IL1RL1: variants seen among roughly 807,000 people sequenced by gnomAD.
IL1RL1 encodes interleukin-1 receptor-like 1.
A neutral mutation model predicts 50.9 loss-of-function variants in IL1RL1; 32 were observed. That is an observed-to-expected ratio of 0.63 (90% confidence interval 0.47 to 0.84). The LOEUF is 0.84. Ranked by LOEUF, IL1RL1 falls within the 40% of genes least tolerant of loss-of-function variation. The probability of loss-of-function intolerance (pLI) is 0.00; values close to 1 mark genes in which losing one functional copy is unlikely to be tolerated. For missense variants in IL1RL1, 773 were observed against 662.9 expected (o/e 1.17, Z -1.82); for synonymous variants, 275 against 236.0 (o/e 1.17, Z -1.51).
chr2:102,339,003 A>G lies in IL1RL1; in HGVS notation c.228A>G (p.Pro76=), dbSNP rs1316566020. Residue 76 remains proline (P), a synonymous_variant, in exon 3 of 11, where the codon CCA becomes CCG. Coordinates refer to ENST00000233954, the MANE Select transcript of IL1RL1 (RefSeq NM_016232.5). ...FASGQLLKFL[P]AAVADSGIYT... ...CAGGCCAACTTCTGAAGTTTCTACC[A>G]GCTGCAGTTGCTGATTCTGGTATTT... 1.9e-6 allele frequency: 3 copies of G among 1,613,956 alleles called. No individual in the cohort carries two copies. Among genetic ancestry groups the G allele is most frequent in the African/African-American group, 1.3e-5 (1 of 75,038 alleles).
chr2:102,341,378 A>C, intron 5 of IL1RL1: 1 of 1,141,314 alleles, frequency 8.8e-7, no homozygotes, highest in Non-Finnish European at 1.1e-6. Context: ...TCATTCTAAA[A>C]ATGTGTTTTC....
rs1318374948 is a variant in IL1RL1, at chr2:102,348,076, T to C, written c.1102T>C (p.Tyr368His). 6.2e-7 allele frequency: 1 copy of C among 1,611,146 alleles called. No homozygotes were observed. ...TLLWRDIAKP[Y>H]KTRNDGKLYD... is the part of the protein sequence containing the mutation. ...GCTCTGGAGAGACATAGCTAAACCT[T>C]ACAAGACTAGGAATGGTAAGTGGCA... Residue 368 changes from tyrosine (Y) to histidine (H), a missense_variant, in exon 9 of 11, where the codon TAC becomes CAC. Physicochemically the swap from Tyr to His is moderately conservative, Grantham distance 83. Coordinates refer to ENST00000233954, the MANE Select transcript of IL1RL1 (RefSeq NM_016232.5).
chr2:102,334,380 A>G (rs537500910), intron 1 of IL1RL1, among the ~76,000 whole-genome samples: 5 of 152,216 alleles, frequency 3.3e-5, no homozygotes, highest in Admixed American at 2.6e-4. Flanking sequence ...GAGTATGGGC[A>G]AGAAGGATCC....
At position 102,340,643 on chromosome 2, in the gene IL1RL1, G is replaced by A; in HGVS notation, c.448-23G>A. Reference sequence around the variant, plus strand: ...AATAAAAGTGAAGAATTACTGAGAAGGAAATGGAATTTCTTATTTCAGAAT... The same window carrying A: ...AATAAAAGTGAAGAATTACTGAGAAAGAAATGGAATTTCTTATTTCAGAAT... On this transcript the variant is annotated intron_variant, in intron 4 of 10. Coordinates refer to ENST00000233954, the MANE Select transcript of IL1RL1 (RefSeq NM_016232.5). 3 of 1,578,178 alleles carry A rather than the reference G, an allele frequency of 1.9e-6. No individual in the cohort carries two copies. The South Asian group carries it at 3.5e-5, about 19-fold the overall frequency.
chr2:102,345,393 A>G (rs1415153354), intron 8 of IL1RL1: 2 of 985,192 alleles, frequency 2.0e-6, no homozygotes, highest in Non-Finnish European at 2.4e-6. Flanking sequence ...TATAAAAGGA[A>G]GGAAAGAGAG....
Position 102,348,078 on chromosome 2 carries a change from C to T in IL1RL1, c.1104C>T (p.Tyr368=), listed in dbSNP as rs1396337101. The change falls in exon 9 of 11, where the codon TAC becomes TAT. Residue 368 remains tyrosine, a synonymous_variant. Coordinates refer to ENST00000233954, the MANE Select transcript of IL1RL1 (RefSeq NM_016232.5). ...TLLWRDIAKP[Y]KTRNDGKLYD... Reference sequence around the variant, plus strand: ...TCTGGAGAGACATAGCTAAACCTTACAAGACTAGGAATGGTAAGTGGCAAA... The same window carrying T: ...TCTGGAGAGACATAGCTAAACCTTATAAGACTAGGAATGGTAAGTGGCAAA... 2 of 1,611,396 alleles carry T rather than the reference C, an allele frequency of 1.2e-6. No individual in the cohort carries two copies.
chr2:102,341,219 G>A (rs1263407770), intron 5 of IL1RL1: 2 of 1,152,434 alleles, frequency 1.7e-6, no homozygotes, highest in Admixed American at 4.8e-5. Context: ...AATTAAAAAA[G>A]AGCTTAATCT....
chr2:102,351,575 G>A lies in IL1RL1; in HGVS notation c.1325G>A (p.Arg442Lys), dbSNP rs746027081. Residue 442 changes from arginine (R) to lysine (K), a missense_variant, in exon 11 of 11, where the codon AGG (arginine) becomes AAG (lysine). Transcript: ENST00000233954. Reference sequence around the variant, plus strand: ...GTGGAAACCAACATACGAAAGAGCAGGCGGCACATTTTCATCCTGACCCCT... The same window carrying A: ...GTGGAAACCAACATACGAAAGAGCAAGCGGCACATTTTCATCCTGACCCCT... ...TAVETNIRKS[R>K]RHIFILTPQI... is the part of the protein sequence containing the mutation. The A allele has an allele frequency of 1.5e-5, 24 of 1,613,982 alleles. 1 individual carries two copies. In the Admixed American group the frequency reaches 2.0e-4, roughly 13 times the overall value.
rs199501373 is a variant in IL1RL1 at position 102,349,253 on chromosome 2, C to A, written c.1285+7C>A. 285 of 1,610,888 alleles carry A rather than the reference C, an allele frequency of 1.8e-4. No individual in the cohort carries two copies. The highest frequency in any genetic ancestry group is 1.7e-3 in the African/African-American group (127 of 74,938). On this transcript the variant is annotated splice_region_variant and intron_variant, in intron 10 of 10. Transcript: ENST00000233954. ...GATATGCTACCTGGAGAAGGTAAAGCTATTGACATACATTAGGGACAGAAA... is the reference window on the plus strand; with the variant it reads ...GATATGCTACCTGGAGAAGGTAAAGATATTGACATACATTAGGGACAGAAA...
At chr2:102,314,685 G>T (rs1452366313) in intron 1 of IL1RL1, among the ~76,000 whole-genome samples, 1 of 152,170 alleles carries the variant, frequency 6.6e-6, no homozygotes. Context: ...TATCTGGTCT[G>T]GTGGTACAGG....
chr2:102,342,314 T>G lies in IL1RL1; in HGVS notation c.682+20T>G. On this transcript the variant is annotated intron_variant, in intron 6 of 10. Coordinates refer to ENST00000233954, the MANE Select transcript of IL1RL1 (RefSeq NM_016232.5). ...AAATTGGTAAGAAAATTTATCAGAA[T>G]GCTGTAAATATTGCCTGGAAAAATC... 1 of 1,546,878 alleles carries G rather than the reference T, an allele frequency of 6.5e-7. No homozygotes were observed. Among genetic ancestry groups the G allele is most frequent in the Non-Finnish European group, 8.9e-7 (1 of 1,119,330 alleles).
At chr2:102,325,166 C>T (rs535485085) in intron 1 of IL1RL1, among the ~76,000 whole-genome samples, 10 of 151,974 alleles carry the variant, frequency 6.6e-5, no homozygotes, top group Admixed American at 3.3e-4. Flanking sequence ...TCCAGAGGAA[C>T]GATCAGGCAG....
Position 102,351,635 on chromosome 2 carries a change from A to T in IL1RL1, c.1385A>T (p.Gln462Leu), listed in dbSNP as rs974168284. ...ITHNKEFAYE[Q>L]EVALHCALIQ... is the part of the protein sequence containing the mutation. Reference sequence around the variant, plus strand: ...CACAATAAGGAGTTTGCCTACGAGCAGGAGGTTGCCCTGCACTGTGCCCTC... The same window carrying T: ...CACAATAAGGAGTTTGCCTACGAGCTGGAGGTTGCCCTGCACTGTGCCCTC... Residue 462 changes from glutamine to leucine, a missense_variant, in exon 11 of 11, where the codon CAG becomes CTG. Coordinates refer to ENST00000233954, the MANE Select transcript of IL1RL1 (RefSeq NM_016232.5). 5 of 1,614,180 alleles carry T rather than the reference A, an allele frequency of 3.1e-6. No individual in the cohort carries two copies. In the Admixed American group the frequency reaches 8.3e-5, roughly 27 times the overall value.
intron 8 of IL1RL1, 47 bp downstream of exon 8, chr2:102,343,462 A>G (rs750344174): frequency 1.2e-6 from 2 of 1,614,032 alleles, no homozygotes; most frequent in Non-Finnish European, 1.7e-6. Context: ...TTCTCTAGCA[A>G]GTGTAAGCAG....
chr2:102,349,818 C>T (rs929821910), intron 10 of IL1RL1, among the ~76,000 whole-genome samples: 2 of 152,126 alleles, frequency 1.3e-5, no homozygotes, highest in Non-Finnish European at 2.9e-5. Flanking sequence ...AGTTATTTTT[C>T]CCTTCCCTTC....
At chr2:102,328,625 G>C (rs1480455075) in intron 1 of IL1RL1, among the ~76,000 whole-genome samples, 1 of 152,162 alleles carries the variant, frequency 6.6e-6, no homozygotes, top group East Asian at 1.9e-4. Context: ...TCCTTAAGCT[G>C]ATAGGCAACT....
intron 10 of IL1RL1, among the ~76,000 whole-genome samples, chr2:102,350,455 T>G (rs1450958814): frequency 6.6e-6 from 1 of 152,266 alleles, no homozygotes; most frequent in Non-Finnish European, 1.5e-5. Context: ...CCTCTGTCAA[T>G]GCATGTCCTC....
intron 1 of IL1RL1, among the ~76,000 whole-genome samples, chr2:102,325,311 C>T (rs1322718646): frequency 4.6e-5 from 7 of 152,150 alleles, no homozygotes. Context: ...AGAAGGAAAA[C>T]TAACAAACAG....
chr2:102,342,049 G>A (rs1460695916), intron 5 of IL1RL1, among the ~76,000 whole-genome samples, 174 bp from the exon 6 acceptor site: 1 of 32,922 alleles, frequency 3.0e-5, no homozygotes, highest in Non-Finnish European at 8.6e-5. Context: ...TCTGTTTCGT[G>A]TGTGTGTGTG....
Sources: gnomAD v4.1 joint callset for allele counts (sites outside exome capture counted in the v4.1 genomes callset) on GRCh38, gnomAD v4.1.1 for gene constraint, MANE v1.5 for transcripts, NCBI Gene and HGNC (gene_info 2026-07-23, HGNC 2026-07-21) for gene names.